Variants in GDAP1 observed in about 807,000 individuals in gnomAD.
The protein encoded by GDAP1 is ganglioside-induced differentiation-associated protein 1.
In GDAP1, 34 loss-of-function variants were observed where a neutral mutation model predicts 40.1. The observed-to-expected ratio is 0.85, with a 90% confidence interval of 0.64 to 1.13. The LOEUF (loss-of-function observed/expected upper bound fraction) is 1.13, where lower values mean the gene tolerates loss of function less well. Among genes scored for constraint, GDAP1 ranks in the 50% most tolerant of loss-of-function variants. The probability of loss-of-function intolerance (pLI) is 0.00; values close to 1 mark genes in which losing one functional copy is unlikely to be tolerated. For synonymous variants in GDAP1, 170 were observed against 157.4 expected (o/e 1.08, Z -0.60); for missense variants, 374 against 433.7 (o/e 0.86, Z 1.22).
At chr8:74,358,768 G>C (rs1809220534) in intron 2 of GDAP1, among the ~76,000 whole-genome samples, 2 of 152,122 alleles carry the variant, frequency 1.3e-5, no homozygotes, top group Non-Finnish European at 2.9e-5. Context: ...TGCGCTTAGG[G>C]GTTTATGAAT....
intron 2 of GDAP1, among the ~76,000 whole-genome samples, chr8:74,403,352 G>T (rs946546561): frequency 6.7e-6 from 1 of 150,000 alleles, no homozygotes; most frequent in African/African-American, 2.5e-5. Flanking sequence ...AAGAAGAGGG[G>T]ATTGCAAACA....
rs71269990 is a variant in GDAP1 at position 74,413,065 on chromosome 8, C to CAAAAAAAAA, written c.165+61759_165+61767dup. 2.5e-4 allele frequency among the ~76,000 whole-genome samples: 14 copies of CAAAAAAAAA among 57,130 alleles called. 1 individual carries two copies. Among genetic ancestry groups the CAAAAAAAAA allele is most frequent in the South Asian group, 1.0e-3 (1 of 984 alleles). 37.5% of individuals were successfully genotyped at this position (57,130 alleles called of 152,430 possible). A position where few individuals can be genotyped will look rare whatever the true frequency, so the allele number is the denominator to read the frequency against. ...CTGGCGATAAAGCGAGACTCTGTCT[C>CAAAAAAAAA]AAAAAAAAAAAAAAAAAAAAAAAGA... On this transcript the variant is annotated intron_variant, in intron 2 of 2. Coordinates refer to the GDAP1 transcript ENST00000523640.
intron 2 of GDAP1, among the ~76,000 whole-genome samples, chr8:74,408,937 C>T (rs911181841): frequency 4.7e-5 from 7 of 149,980 alleles, no homozygotes; most frequent in Non-Finnish European, 7.4e-5. Flanking sequence ...GGTCACCATT[C>T]CCTTTCTAGG....
At chr8:74,356,013 G>A (rs1022132335) in intron 2 of GDAP1, among the ~76,000 whole-genome samples, 1 of 151,918 alleles carries the variant, frequency 6.6e-6, no homozygotes, top group African/African-American at 2.4e-5. Context: ...TAATTCTGAT[G>A]TCACTGTTAT....
intron 2 of GDAP1, among the ~76,000 whole-genome samples, chr8:74,372,063 C>A (rs1186081738): frequency 1.3e-5 from 2 of 152,074 alleles, no homozygotes; most frequent in East Asian, 3.9e-4. Context: ...ATGATGGTTT[C>A]CAGCTTCATC....
At chr8:74,386,211 A>G (rs1324427314) in intron 2 of GDAP1, among the ~76,000 whole-genome samples, 1 of 151,348 alleles carries the variant, frequency 6.6e-6, no homozygotes, top group Non-Finnish European at 1.5e-5. Flanking sequence ...CCATTTGTCA[A>G]TTTTGGCTTT....
At chr8:74,427,249 T>C (rs1157007914) in intron 2 of GDAP1, among the ~76,000 whole-genome samples, 1 of 152,218 alleles carries the variant, frequency 6.6e-6, no homozygotes, top group Admixed American at 6.5e-5. Flanking sequence ...GTGCGTCCTA[T>C]GTGAGTTACA....
At chr8:74,461,749 T>C (rs973910420) in intron 2 of GDAP1, among the ~76,000 whole-genome samples, 1 of 152,234 alleles carries the variant, frequency 6.6e-6, no homozygotes, top group Non-Finnish European at 1.5e-5. Context: ...ACCCCAAAGC[T>C]AATGGTGTCA....
intron 2 of GDAP1, among the ~76,000 whole-genome samples, chr8:74,380,008 C>T (rs921656134): frequency 1.3e-4 from 20 of 152,202 alleles, no homozygotes; most frequent in Non-Finnish European, 2.6e-4. Flanking sequence ...GCAGAATATA[C>T]TGCACTTGGG....
At chr8:74,439,776 TA>T (rs1271835362) in intron 2 of GDAP1, among the ~76,000 whole-genome samples, 1 of 152,056 alleles carries the variant, frequency 6.6e-6, no homozygotes, top group Non-Finnish European at 1.5e-5. Flanking sequence ...CTTTAAACCA[TA>T]AATTAAATTT....
At chr8:74,361,465 C>T (rs574281569) in intron 3 of GDAP1, among the ~76,000 whole-genome samples, 6 of 151,926 alleles carry the variant, frequency 3.9e-5, no homozygotes, top group African/African-American at 1.2e-4. Context: ...GGCATCATCT[C>T]GGCTCACTGC....
chr8:74,439,471 A>G (rs1462039905), intron 2 of GDAP1, among the ~76,000 whole-genome samples: 1 of 151,958 alleles, frequency 6.6e-6, no homozygotes, highest in Non-Finnish European at 1.5e-5. Flanking sequence ...TTCATTTTCT[A>G]TCTTGAGCCA....
intron 2 of GDAP1, among the ~76,000 whole-genome samples, chr8:74,418,023 G>A (rs575664516): frequency 3.3e-5 from 5 of 152,302 alleles, no homozygotes; most frequent in African/African-American, 1.2e-4. Context: ...AATTGCTGAT[G>A]AAAGAAATCT....
chr8:74,422,352 C>CCTTCCTTCCTT lies in GDAP1; in HGVS notation c.166-66325_166-66324insTTCCTTCCTTC, dbSNP rs1245003353. On this transcript the variant is annotated intron_variant, in intron 2 of 2. Transcript: ENST00000523640. The stretch of plus-strand genomic sequence containing the variant: ...TTCTTTCTTTCTTTCTTTCTTTCTT[C>CCTTCCTTCCTT]CCTTCCTTCCTTCCTTCCTTCCTTC... 1.1e-3 allele frequency among the ~76,000 whole-genome samples: 38 copies of CCTTCCTTCCTT among 34,222 alleles called. 3 individuals are homozygous for CCTTCCTTCCTT. Among genetic ancestry groups the CCTTCCTTCCTT allele is most frequent in the African/African-American group, 3.1e-3 (30 of 9,688 alleles). 22.5% of individuals were successfully genotyped at this position (34,222 alleles called of 152,430 possible). A position where few individuals can be genotyped will look rare whatever the true frequency, so the allele number is the denominator to read the frequency against.
At chr8:74,361,719 T>A (rs1247525439) in intron 3 of GDAP1, among the ~76,000 whole-genome samples, 165 bp from the exon 4 acceptor site, 1 of 152,164 alleles carries the variant, frequency 6.6e-6, no homozygotes, top group Non-Finnish European at 1.5e-5. Flanking sequence ...TGGTTCCATT[T>A]GAAAGGTGAG....
chr8:74,488,073 T>G, intron 2 of GDAP1, among the ~76,000 whole-genome samples: 1 of 152,166 alleles, frequency 6.6e-6, no homozygotes, highest in East Asian at 1.9e-4. Flanking sequence ...TGCTAGAGCT[T>G]TTTCAATATG....
rs1317287609 is a variant in GDAP1, at chr8:74,451,096, A to G, written c.166-37582A>G. ...TTTTTGTCATACATTTTATATCTAC[A>G]TCTGTTACACACAAATCTTAAATGT... On this transcript the variant is annotated intron_variant, in intron 2 of 2. Transcript: ENST00000523640. Among the ~76,000 whole-genome samples, 101 of 83,090 alleles carry G rather than the reference A, an allele frequency of 1.2e-3. 44 individuals are homozygous for G. The highest frequency in any genetic ancestry group is 5.0e-3 in the African/African-American group (95 of 19,144). The allele number at this position is 83,090 out of a possible 152,430, so 54.5% of individuals were successfully genotyped here.
intron 2 of GDAP1, among the ~76,000 whole-genome samples, chr8:74,401,475 T>A (rs1810337538): frequency 6.7e-6 from 1 of 150,010 alleles, no homozygotes; most frequent in South Asian, 2.1e-4. Flanking sequence ...TCAAAGTTTT[T>A]AATTTCTTTG....
intron 2 of GDAP1, among the ~76,000 whole-genome samples, chr8:74,470,448 C>T (rs1806535999): frequency 6.6e-6 from 1 of 152,088 alleles, no homozygotes; most frequent in Admixed American, 6.6e-5. Flanking sequence ...GTTCCCCTTC[C>T]TGTGTCCATG....
Sources: allele counts gnomAD v4.1 joint callset (sites outside exome capture counted in the v4.1 genomes callset), GRCh38; gene constraint gnomAD v4.1.1; transcripts MANE v1.5; gene names NCBI Gene and HGNC (gene_info 2026-07-23, HGNC 2026-07-21).